The following MBP variants were observed in gnomAD, a reference collection of about 807,000 sequenced individuals.
MBP encodes myelin basic protein.
Under a neutral mutation model 35.8 loss-of-function variants are expected in MBP, and 16 were observed. The observed-to-expected ratio is 0.45, with a 90% CI of 0.30 to 0.68. The LOEUF is 0.68. MBP is among the 30% of genes least tolerant of loss of function. The probability of loss-of-function intolerance (pLI) is 0.08; values close to 1 mark genes in which losing one functional copy is unlikely to be tolerated. For missense variants in MBP, 380 were observed against 404.7 expected, an observed-to-expected ratio of 0.94 and a Z score of 0.52; for synonymous variants, 143 against 159.6, an observed-to-expected ratio of 0.90 and a Z score of 0.78.
chr18:77,125,012 G>C (rs538082177), intron 1 of MBP, among the ~76,000 whole-genome samples: 2 of 152,216 alleles, frequency 1.3e-5, no homozygotes, highest in South Asian at 4.1e-4. Flanking sequence ...CTGAGGTCCC[G>C]GCTCCTGCCC....
At chr18:77,031,981 T>C (rs543762280) in intron 3 of MBP, among the ~76,000 whole-genome samples, 1 of 152,332 alleles carries the variant, frequency 6.6e-6, no homozygotes, top group Non-Finnish European at 1.5e-5. Context: ...CTTTGAGCGA[T>C]GGCAACGACA....
At chr18:76,986,023 A>G in intron 7 of MBP, 2 of 985,560 alleles carry the variant, frequency 2.0e-6, no homozygotes, top group Non-Finnish European at 2.4e-6. Context: ...TGGGAACTCC[A>G]CTGCAAACAT....
intron 2 of MBP, among the ~76,000 whole-genome samples, chr18:77,082,318 A>T (rs1974983809): frequency 6.6e-6 from 1 of 152,210 alleles, no homozygotes; most frequent in African/African-American, 2.4e-5. Context: ...CCTTGAAAGC[A>T]TTACACTACG....
intron 4 of MBP, among the ~76,000 whole-genome samples, chr18:77,002,327 G>A (rs3794846): frequency 0.06 from 9,102 of 152,252 alleles, 353 homozygotes; most frequent in East Asian, 0.22. Context: ...TCCCTTTGTC[G>A]TGTGGTCCAT....
In MBP at chr18:77,044,595, C is replaced by T. The variant is rs923086179; in HGVS notation, c.139+21703G>A. ...TCCCTACCCCACCTCCCTCCTCGCACCTGGGACGCAGGTGCCCTCCGGTCA... is the reference window on the plus strand; with the variant it reads ...TCCCTACCCCACCTCCCTCCTCGCATCTGGGACGCAGGTGCCCTCCGGTCA... On this transcript the variant is annotated intron_variant, in intron 3 of 8. Transcript: ENST00000355994. The surrounding 1 kb of genome is among the most constrained non-coding windows in gnomAD (Gnocchi z 4.4). Among the ~76,000 whole-genome samples, 4 of 152,170 alleles carry T rather than the reference C, an allele frequency of 2.6e-5. No homozygotes were observed. The highest frequency in any genetic ancestry group is 4.8e-5 in the African/African-American group (2 of 41,438).
Position 77,081,182 on chromosome 18 carries a change from C to T in MBP, c.52-14797G>A, listed in dbSNP as rs112146606. On this transcript the variant is annotated intron_variant, in intron 2 of 8. Coordinates refer to ENST00000355994, the MANE Select transcript of MBP (RefSeq NM_001025101.2). Reference sequence around the variant, plus strand: ...TGGGCGGCAGCTCTTAGAGATGACACGGAAGCATGAACAATGGAAGAAACC... The same window carrying T: ...TGGGCGGCAGCTCTTAGAGATGACATGGAAGCATGAACAATGGAAGAAACC... Among the ~76,000 whole-genome samples the T allele has an allele frequency of 3.0e-3, 457 of 152,106 alleles. 1 individual carries two copies. The highest frequency in any genetic ancestry group is 6.8e-3 in the Middle Eastern group (2 of 294).
In MBP at chr18:77,029,431, A is replaced by T. The variant is rs1316020011; in HGVS notation, c.140-12163T>A. 9.0e-5 allele frequency among the ~76,000 whole-genome samples: 4 copies of T among 44,400 alleles called. 1 individual carries two copies. The South Asian group carries it at 3.9e-3, about 44-fold the overall frequency. The allele number at this position is 44,400 out of a possible 152,430, so 29.1% of individuals were successfully genotyped here. ...AGAGGGAGAGGGAGACCGTGGGGAG[A>T]GGGAGAGGGAGGGGGAGGGGGAGGG... On this transcript the variant is annotated intron_variant, in intron 3 of 8. Transcript: ENST00000355994.
At chr18:76,997,066 C>T (rs991177942) in intron 4 of MBP, among the ~76,000 whole-genome samples, 1 of 152,202 alleles carries the variant, frequency 6.6e-6, no homozygotes, top group African/African-American at 2.4e-5. Context: ...CTCCAAATGT[C>T]TCTGTTTTGG....
chr18:76,985,385 C>A, intron 7 of MBP: 1 of 1,250,352 alleles, frequency 8.0e-7, no homozygotes, highest in Non-Finnish European at 1.0e-6. Flanking sequence ...GATTGATTTG[C>A]ACAGATTGGA....
chr18:77,025,755 C>T (rs1359685573), intron 3 of MBP, among the ~76,000 whole-genome samples: 1 of 133,792 alleles, frequency 7.5e-6, no homozygotes, highest in Non-Finnish European at 1.5e-5. Flanking sequence ...TGCTCCATTC[C>T]CCTGCATCCG....
intron 2 of MBP, among the ~76,000 whole-genome samples, chr18:77,100,090 C>A (rs1015568531): frequency 6.6e-6 from 1 of 152,216 alleles, no homozygotes; most frequent in African/African-American, 2.4e-5. Flanking sequence ...ATGTCCTAAA[C>A]CTCACTGCCT....
At chr18:77,079,015 G>A (rs1974776362) in intron 2 of MBP, among the ~76,000 whole-genome samples, 1 of 152,220 alleles carries the variant, frequency 6.6e-6, no homozygotes. Context: ...CAGCAGGAGA[G>A]GAGACTTGAA....
At chr18:77,009,811 C>A (rs1341307285) in intron 4 of MBP, 1 of 1,525,246 alleles carries the variant, frequency 6.6e-7, no homozygotes, top group East Asian at 2.4e-5. Flanking sequence ...GGCAGGTCAC[C>A]CCTGGCCCCG....
chr18:77,013,886 AAT>A, intron 4 of MBP: 1 of 985,442 alleles, frequency 1.0e-6, no homozygotes, highest in Non-Finnish European at 1.2e-6. Context: ...TTCCAAAGCT[AAT>A]GTTTCCAGGC....
At chr18:77,015,335 G>T in intron 4 of MBP, 21 of 985,358 alleles carry the variant, frequency 2.1e-5, no homozygotes, top group Non-Finnish European at 2.4e-5. Context: ...CTGTATGCGT[G>T]AGGGATGCTT....
intron 3 of MBP, chr18:77,065,885 T>G: frequency 6.0e-6 from 1 of 166,828 alleles, no homozygotes; most frequent in Non-Finnish European, 1.3e-5. Context: ...TTAGACAGCG[T>G]CTTGCTCTGT....
In MBP at chr18:77,052,510, C is replaced by T. The variant is rs973171419; in HGVS notation, c.139+13788G>A. Among the ~76,000 whole-genome samples the T allele has an allele frequency of 3.3e-5, 5 of 152,176 alleles. No homozygotes were observed. The South Asian group carries it at 8.3e-4, about 25-fold the overall frequency. On this transcript the variant is annotated intron_variant, in intron 3 of 8. Coordinates refer to ENST00000355994, the MANE Select transcript of MBP (RefSeq NM_001025101.2). The stretch of plus-strand genomic sequence containing the variant: ...TTTGTTCTGGGAAGCTTTCAGTTGT[C>T]CCATTGTGGCTGTGATGACCCTAAG...
At chr18:77,066,628 CA>C in intron 2 of MBP, 3 of 711,104 alleles carry the variant, frequency 4.2e-6, no homozygotes, top group South Asian at 1.4e-5. Context: ...TAGTTTTATA[CA>C]AAAAAATTGG....
intron 4 of MBP, among the ~76,000 whole-genome samples, chr18:76,998,763 T>A (rs1970469548): frequency 6.6e-6 from 1 of 152,136 alleles, no homozygotes; most frequent in Non-Finnish European, 1.5e-5. Flanking sequence ...CGCTCTCCTG[T>A]GGGTGGCTGG....
Sources: allele counts gnomAD v4.1 joint callset (sites outside exome capture counted in the v4.1 genomes callset), GRCh38; gene constraint gnomAD v4.1.1; non-coding constraint Gnocchi (gnomAD v3.1); transcripts MANE v1.5; gene names NCBI Gene and HGNC (gene_info 2026-07-23, HGNC 2026-07-21).